The following WWOX variants were observed in gnomAD, a reference collection of about 807,000 sequenced individuals.
The protein encoded by WWOX is WW domain-containing oxidoreductase.
WWOX carries 69 observed loss-of-function variants against 46.2 expected under a neutral mutation model. That is an observed-to-expected ratio of 1.49 (90% CI 1.23 to 1.82). The LOEUF is 1.82. WWOX is among the 40% of genes most tolerant of loss of function. WWOX has a pLI of 0.00. For missense variants in WWOX, 919 were observed against 542.6 expected, an observed-to-expected ratio of 1.69 and a Z score of -6.89; for synonymous variants, 359 against 202.6, an observed-to-expected ratio of 1.77 and a Z score of -6.56.
At chr16:78,917,944 A>G (rs1475374820) in intron 8 of WWOX, among the ~76,000 whole-genome samples, 1 of 152,180 alleles carries the variant, frequency 6.6e-6, no homozygotes, top group Non-Finnish European at 1.5e-5. Flanking sequence ...GCTCACACAC[A>G]TAATCTTAGC....
chr16:78,887,272 A>C (rs867367316), intron 8 of WWOX, among the ~76,000 whole-genome samples: 10 of 152,108 alleles, frequency 6.6e-5, no homozygotes, highest in Middle Eastern at 3.4e-3. Flanking sequence ...TTATACCAGC[A>C]ATTCCCCTGT....
intron 8 of WWOX, among the ~76,000 whole-genome samples, chr16:78,907,691 A>G (rs2045001906): frequency 6.6e-6 from 1 of 152,250 alleles, no homozygotes; most frequent in Non-Finnish European, 1.5e-5. Context: ...ACTGCTATTT[A>G]GCAAAGACAG....
chr16:78,661,743 T>C (rs1415937293), intron 8 of WWOX, among the ~76,000 whole-genome samples: 1 of 152,132 alleles, frequency 6.6e-6, no homozygotes, highest in Non-Finnish European at 1.5e-5. Flanking sequence ...CTTTTAATAA[T>C]AGTAGTTAAT....
chr16:78,487,486 TA>T (rs1348729822), intron 8 of WWOX, among the ~76,000 whole-genome samples: 2 of 152,208 alleles, frequency 1.3e-5, no homozygotes, highest in Admixed American at 1.3e-4. Flanking sequence ...GGGACCATTT[TA>T]CACTGAGGGT....
At chr16:79,154,652 G>A (rs555017536) in intron 8 of WWOX, among the ~76,000 whole-genome samples, 1 of 152,282 alleles carries the variant, frequency 6.6e-6, no homozygotes, top group South Asian at 2.1e-4. Context: ...CAACCCTTAT[G>A]CTGATGGATG....
At chr16:78,857,175 GA>G (rs2052586488) in intron 8 of WWOX, among the ~76,000 whole-genome samples, 2 of 152,104 alleles carry the variant, frequency 1.3e-5, no homozygotes, top group Admixed American at 1.3e-4. Context: ...TTGGCTAAGG[GA>G]AAAGAAAAAT....
intron 8 of WWOX, among the ~76,000 whole-genome samples, chr16:78,860,715 G>T (rs930232194): frequency 1.3e-5 from 2 of 152,238 alleles, no homozygotes; most frequent in African/African-American, 4.8e-5. Context: ...ATCCGCTTTA[G>T]TGCTCTGCTG....
At chr16:78,959,430 C>T (rs1405936850) in intron 8 of WWOX, among the ~76,000 whole-genome samples, 1 of 152,174 alleles carries the variant, frequency 6.6e-6, no homozygotes, top group Non-Finnish European at 1.5e-5. Flanking sequence ...GAAAAGATAA[C>T]ACTAACAAGC....
At chr16:78,150,676 C>A (rs888111268) in intron 4 of WWOX, among the ~76,000 whole-genome samples, 8 of 152,086 alleles carry the variant, frequency 5.3e-5, no homozygotes, top group Admixed American at 4.6e-4. Context: ...AGCCACTGTG[C>A]CTCTCCATTT....
chr16:78,138,764 C>T (rs1468191602), intron 4 of WWOX, among the ~76,000 whole-genome samples: 2 of 152,198 alleles, frequency 1.3e-5, no homozygotes, highest in Admixed American at 6.5e-5. Flanking sequence ...CCACGTGCAG[C>T]ACGCTGCGGG....
At chr16:79,054,196 C>T (rs750000393) in intron 8 of WWOX, among the ~76,000 whole-genome samples, 4 of 152,058 alleles carry the variant, frequency 2.6e-5, no homozygotes, top group South Asian at 2.1e-4. Flanking sequence ...AGCTCTTTAC[C>T]CACAAAAGCA....
At chr16:79,036,703 C>T (rs1471864942) in intron 8 of WWOX, among the ~76,000 whole-genome samples, 5 of 152,172 alleles carry the variant, frequency 3.3e-5, no homozygotes, top group Non-Finnish European at 5.9e-5. Context: ...TGAACGAGTG[C>T]TGGGATTGAT....
At chr16:78,217,992 A>T (rs895357348) in intron 5 of WWOX, among the ~76,000 whole-genome samples, 1 of 152,100 alleles carries the variant, frequency 6.6e-6, no homozygotes, top group Non-Finnish European at 1.5e-5. Context: ...GCAGAGGCCA[A>T]CGTATCTCAC....
intron 8 of WWOX, chr16:79,106,113 G>C (rs1216721729): frequency 2.0e-5 from 3 of 152,220 alleles, no homozygotes; most frequent in African/African-American, 7.2e-5. Context: ...GAATTTGTTA[G>C]AAATGGAAAT....
At chr16:78,689,257 T>C (rs2047932074) in intron 8 of WWOX, among the ~76,000 whole-genome samples, 1 of 152,208 alleles carries the variant, frequency 6.6e-6, no homozygotes, top group Non-Finnish European at 1.5e-5. Flanking sequence ...CATTGGAAGG[T>C]TGCCAAACTG....
chr16:78,828,504 C>A (rs553427637), intron 8 of WWOX, among the ~76,000 whole-genome samples: 1 of 151,854 alleles, frequency 6.6e-6, no homozygotes, highest in South Asian at 2.1e-4. Flanking sequence ...CTGCACTGGG[C>A]ATTTTTAAAT....
chr16:78,231,778 C>T (rs762132047), intron 5 of WWOX, among the ~76,000 whole-genome samples: 22 of 152,238 alleles, frequency 1.4e-4, no homozygotes, highest in Middle Eastern at 3.4e-3. Context: ...AGGGTAGGAA[C>T]GGGTCCCATC....
chr16:79,205,014 C>T (rs2051461391), intron 8 of WWOX: 1 of 152,180 alleles, frequency 6.6e-6, no homozygotes, highest in African/African-American at 2.4e-5. Context: ...TTGTATGACA[C>T]TTCCTTCTAG....
intron 5 of WWOX, among the ~76,000 whole-genome samples, chr16:78,253,003 A>G (rs1434205241): frequency 6.6e-6 from 1 of 152,190 alleles, no homozygotes; most frequent in Admixed American, 6.5e-5. Flanking sequence ...AATATCATCT[A>G]TTTACGTAGG....
Sources: allele counts gnomAD v4.1 joint callset (sites outside exome capture counted in the v4.1 genomes callset), GRCh38; gene constraint gnomAD v4.1.1; transcripts MANE v1.5; gene names NCBI Gene and HGNC (gene_info 2026-07-23, HGNC 2026-07-21).